Variants in ADGRB3 observed in about 807,000 individuals in gnomAD.
ADGRB3 encodes the protein brain-specific angiogenesis inhibitor 3.
A neutral mutation model predicts 193.4 loss-of-function variants in ADGRB3; 37 were observed. The observed-to-expected ratio is 0.19, with a 90% CI of 0.15 to 0.25. The LOEUF (loss-of-function observed/expected upper bound fraction) is 0.25, where lower values mean the gene tolerates loss of function less well. Ranked by LOEUF, ADGRB3 falls within the 10% of genes least tolerant of loss-of-function variation. ADGRB3 has a pLI of 1.00. For synonymous variants in ADGRB3, 690 were observed against 644.2 expected (o/e 1.07, Z -1.08); for missense variants, 1,637 against 1,852.9 (o/e 0.88, Z 2.14).
intron 20 of ADGRB3, among the ~76,000 whole-genome samples, chr6:69,280,909 G>A (rs1480808130): frequency 2.0e-5 from 3 of 152,054 alleles, no homozygotes; most frequent in East Asian, 1.9e-4. Context: ...TACCTAATTC[G>A]CTGTAACAGG....
intron 20 of ADGRB3, among the ~76,000 whole-genome samples, chr6:69,242,618 T>C (rs961927020): frequency 6.6e-6 from 1 of 151,996 alleles, no homozygotes; most frequent in Non-Finnish European, 1.5e-5. Context: ...GTAAACAAGC[T>C]GAAATAATCC....
intron 10 of ADGRB3, among the ~76,000 whole-genome samples, chr6:68,976,418 A>G (rs753043201): frequency 2.6e-5 from 4 of 152,278 alleles, no homozygotes; most frequent in Admixed American, 1.3e-4. Context: ...ATACTTATGT[A>G]TATCTATATA....
chr6:68,986,973 C>T (rs4323279), intron 10 of ADGRB3, among the ~76,000 whole-genome samples: 1 of 152,036 alleles, frequency 6.6e-6, no homozygotes, highest in Non-Finnish European at 1.5e-5. Context: ...CCACATCTCT[C>T]TATAAAAAGA....
chr6:68,930,525 C>A, intron 3 of ADGRB3, 34 bp from the exon 4 acceptor site: 1 of 1,459,442 alleles, frequency 6.9e-7, no homozygotes, highest in Non-Finnish European at 9.5e-7. Flanking sequence ...AATGTCTACA[C>A]ACAAGCTTTC....
At chr6:69,345,497 C>T (rs1769065029) in intron 26 of ADGRB3, among the ~76,000 whole-genome samples, 2 of 152,118 alleles carry the variant, frequency 1.3e-5, no homozygotes, top group Non-Finnish European at 2.9e-5. Context: ...GAACCAATGA[C>T]AAAAACCACA....
rs148292394 is a variant in ADGRB3 at position 69,224,604 on chromosome 6, C to T, written c.2481-8686C>T. 2.0e-3 allele frequency among the ~76,000 whole-genome samples: 311 copies of T among 152,148 alleles called. 1 individual carries two copies. Among genetic ancestry groups the T allele is most frequent in the Non-Finnish European group, 3.4e-3 (230 of 67,978 alleles). ...TTCCCCTACCTACACCCAAGAACAA[C>T]CTTGGAAATCTTTTTTAATCTAGTT... On this transcript the variant is annotated intron_variant, in intron 17 of 31. Transcript: ENST00000370598.
At chr6:69,052,501 G>A (rs533773664) in intron 15 of ADGRB3, among the ~76,000 whole-genome samples, 1 of 152,284 alleles carries the variant, frequency 6.6e-6, no homozygotes, top group Non-Finnish European at 1.5e-5. Context: ...AATAATAAGA[G>A]TAGTTTTGCT....
Position 69,077,796 on chromosome 6 carries a change from T to A in ADGRB3, c.2480+1758T>A, listed in dbSNP as rs57107130. On this transcript the variant is annotated intron_variant, in intron 17 of 31. Transcript: ENST00000370598. ...ATCCAGGGAGAGGAAATGTGTTTAGTTGTCTTTCAAAGAAGATAATCTCAA... is the reference window on the plus strand; with the variant it reads ...ATCCAGGGAGAGGAAATGTGTTTAGATGTCTTTCAAAGAAGATAATCTCAA... Among the ~76,000 whole-genome samples the A allele has an allele frequency of 3.2e-3, 493 of 152,126 alleles. 2 individuals are homozygous for A. Among genetic ancestry groups the A allele is most frequent in the African/African-American group, 0.011 (477 of 41,552 alleles).
intron 3 of ADGRB3, among the ~76,000 whole-genome samples, chr6:68,908,896 C>G (rs1223834833): frequency 2.0e-5 from 3 of 152,112 alleles, no homozygotes; most frequent in Admixed American, 2.0e-4. Context: ...GACAAGCAAG[C>G]CTTGTGGTTA....
At chr6:68,831,895 T>C (rs1254424809) in intron 3 of ADGRB3, among the ~76,000 whole-genome samples, 1 of 152,140 alleles carries the variant, frequency 6.6e-6, no homozygotes, top group Non-Finnish European at 1.5e-5. Context: ...AATTTGTAGT[T>C]TCATAATATG....
intron 20 of ADGRB3, among the ~76,000 whole-genome samples, chr6:69,247,416 C>T (rs1766521569): frequency 6.6e-6 from 1 of 152,192 alleles, no homozygotes; most frequent in African/African-American, 2.4e-5. Context: ...TTTCAGCATT[C>T]CCTTTCTGTT....
intron 3 of ADGRB3, among the ~76,000 whole-genome samples, chr6:68,760,557 A>C (rs1235952413): frequency 2.0e-5 from 3 of 152,220 alleles, no homozygotes; most frequent in Non-Finnish European, 4.4e-5. Flanking sequence ...AAAACAAGAC[A>C]AGGCAAAAAC....
intron 29 of ADGRB3, among the ~76,000 whole-genome samples, chr6:69,361,816 AAAAAT>A (rs1261086986): frequency 6.6e-6 from 1 of 151,394 alleles, no homozygotes; most frequent in African/African-American, 2.4e-5. Context: ...GGCACTCATA[AAAAAT>A]AAAATAAAAT....
chr6:69,263,921 G>A (rs1055411621), intron 20 of ADGRB3, among the ~76,000 whole-genome samples: 1 of 151,854 alleles, frequency 6.6e-6, no homozygotes, highest in Non-Finnish European at 1.5e-5. Context: ...TAACCCTCAG[G>A]TAAACTTCAT....
chr6:68,718,515 A>G (rs1562004549), intron 3 of ADGRB3, among the ~76,000 whole-genome samples: 1 of 151,728 alleles, frequency 6.6e-6, no homozygotes, highest in Non-Finnish European at 1.5e-5. Context: ...AACAAGTCTT[A>G]TGTTGTTACG....
chr6:68,907,681 C>T (rs1231334352), intron 3 of ADGRB3, among the ~76,000 whole-genome samples: 3 of 151,680 alleles, frequency 2.0e-5, no homozygotes, highest in Non-Finnish European at 3.0e-5. Flanking sequence ...TTGAATGGAC[C>T]CTGTTTTTAG....
intron 17 of ADGRB3, among the ~76,000 whole-genome samples, chr6:69,140,710 C>A (rs1265538982): frequency 6.6e-6 from 1 of 151,832 alleles, no homozygotes; most frequent in Non-Finnish European, 1.5e-5. Flanking sequence ...CCCCATCTAC[C>A]CTAATGAGAT....
intron 26 of ADGRB3, among the ~76,000 whole-genome samples, chr6:69,345,415 G>A (rs1227832884): frequency 6.6e-6 from 1 of 152,056 alleles, no homozygotes; most frequent in East Asian, 1.9e-4. Context: ...GATCAAATTG[G>A]CTTCATCCCT....
chr6:68,697,457 T>C (rs1208711577), intron 3 of ADGRB3, among the ~76,000 whole-genome samples: 1 of 151,974 alleles, frequency 6.6e-6, no homozygotes, highest in African/African-American at 2.4e-5. Flanking sequence ...TGCCTTTTTG[T>C]GCTGGATTTC....
Sources: gnomAD v4.1 joint callset for allele counts (sites outside exome capture counted in the v4.1 genomes callset) on GRCh38, gnomAD v4.1.1 for gene constraint, MANE v1.5 for transcripts, NCBI Gene and HGNC (gene_info 2026-07-23, HGNC 2026-07-21) for gene names.